The following DCC variants were observed in gnomAD, a reference collection of about 807,000 sequenced individuals.
DCC encodes netrin receptor DCC.
Under a neutral mutation model 172.5 loss-of-function variants are expected in DCC, and 58 were observed. The observed-to-expected ratio is 0.34, with a 90% CI of 0.27 to 0.42. DCC has a LOEUF of 0.42. Among genes scored for constraint, DCC ranks in the 10% least tolerant of loss-of-function variants. The probability of loss-of-function intolerance (pLI) is 1.00; values close to 1 mark genes in which losing one functional copy is unlikely to be tolerated. For synonymous variants in DCC, 709 were observed against 644.5 expected, an observed-to-expected ratio of 1.10 and a Z score of -1.52; for missense variants, 1,740 against 1,791.0, an observed-to-expected ratio of 0.97 and a Z score of 0.51.
chr18:53,049,524 T>C (rs2042305896), intron 5 of DCC, among the ~76,000 whole-genome samples: 1 of 152,020 alleles, frequency 6.6e-6, no homozygotes, highest in African/African-American at 2.4e-5. Flanking sequence ...GGGCTCTCTA[T>C]TCTATTTTAT....
At chr18:52,869,459 GC>G (rs2039282588) in intron 2 of DCC, among the ~76,000 whole-genome samples, 1 of 152,182 alleles carries the variant, frequency 6.6e-6, no homozygotes, top group Non-Finnish European at 1.5e-5. Flanking sequence ...CCATAGGTGG[GC>G]CTGGAAAAGG....
intron 8 of DCC, among the ~76,000 whole-genome samples, chr18:53,168,241 T>G (rs1040679626): frequency 6.6e-6 from 1 of 152,020 alleles, no homozygotes; most frequent in African/African-American, 2.4e-5. Context: ...TATAAATCAT[T>G]CTACTATAAA....
At chr18:52,524,409 A>T (rs1305822098) in intron 1 of DCC, among the ~76,000 whole-genome samples, 1 of 152,216 alleles carries the variant, frequency 6.6e-6, no homozygotes, top group Non-Finnish European at 1.5e-5. Context: ...TAAAAGTATA[A>T]CTGCATTTCC....
At chr18:53,065,254 A>G (rs534044836) in intron 6 of DCC, among the ~76,000 whole-genome samples, 149 of 152,328 alleles carry the variant, frequency 9.8e-4, no homozygotes, top group Non-Finnish European at 1.6e-3. Context: ...TTATCTCTTA[A>G]TGACTTCAGG....
intron 21 of DCC, among the ~76,000 whole-genome samples, chr18:53,433,593 C>T (rs541525682): frequency 6.6e-6 from 1 of 152,286 alleles, no homozygotes; most frequent in African/African-American, 2.4e-5. Flanking sequence ...TCACATCAGC[C>T]AACGTTGATC....
intron 27 of DCC, among the ~76,000 whole-genome samples, chr18:53,517,710 G>T (rs929981663): frequency 1.3e-5 from 2 of 151,936 alleles, no homozygotes; most frequent in Non-Finnish European, 2.9e-5. Flanking sequence ...GGTCAAATAG[G>T]CTGTTTCCCT....
intron 5 of DCC, among the ~76,000 whole-genome samples, chr18:52,986,240 A>G (rs999378017): frequency 6.6e-6 from 1 of 152,186 alleles, no homozygotes; most frequent in South Asian, 2.1e-4. Flanking sequence ...CTTAAGTCTC[A>G]TTCCTACCTG....
chr18:52,365,209 C>A (rs1206512221), intron 1 of DCC, among the ~76,000 whole-genome samples: 1 of 152,146 alleles, frequency 6.6e-6, no homozygotes, highest in Non-Finnish European at 1.5e-5. Context: ...AAGAAGAGTG[C>A]TTTGCAAATG....
chr18:53,321,836 G>C (rs907414251), intron 13 of DCC, among the ~76,000 whole-genome samples: 1 of 151,954 alleles, frequency 6.6e-6, no homozygotes, highest in Middle Eastern at 3.2e-3. Flanking sequence ...TTATAAACTG[G>C]AAAAAAACTC....
intron 3 of DCC, 152 bp downstream of exon 3, chr18:52,906,480 T>A: frequency 2.3e-6 from 2 of 875,486 alleles, no homozygotes; most frequent in Non-Finnish European, 3.5e-6. Flanking sequence ...GCCGAAGCAT[T>A]CAATCAGGTT....
At chr18:53,494,077 G>A (rs1363062069) in intron 26 of DCC, among the ~76,000 whole-genome samples, 1 of 152,058 alleles carries the variant, frequency 6.6e-6, no homozygotes, top group Non-Finnish European at 1.5e-5. Context: ...CCTTAATTTT[G>A]TTATTTACCC....
At chr18:52,464,795 C>T (rs1263914138) in intron 1 of DCC, among the ~76,000 whole-genome samples, 1 of 151,810 alleles carries the variant, frequency 6.6e-6, no homozygotes, top group African/African-American at 2.4e-5. Context: ...ATTTATTATA[C>T]TTACATTTGC....
Position 52,800,630 on chromosome 18 carries a change from CA to C in DCC, c.412+48259del, listed in dbSNP as rs1568112518. Among the ~76,000 whole-genome samples, 4 of 151,726 alleles carry C rather than the reference CA, an allele frequency of 2.6e-5. No individual in the cohort carries two copies. In the South Asian group the frequency reaches 8.6e-4, roughly 33 times the overall value. ...CTTTGTGTGATAGCATTTTCAACAC[CA>C]AACAGATGTTGCATACTTATGAATC... On this transcript the variant is annotated intron_variant, in intron 2 of 28. Transcript: ENST00000442544.
chr18:53,355,154 A>T (rs2057863475), intron 15 of DCC, among the ~76,000 whole-genome samples: 1 of 152,128 alleles, frequency 6.6e-6, no homozygotes, highest in African/African-American at 2.4e-5. Flanking sequence ...TGGTACCAGT[A>T]CCAGGCTGTT....
intron 1 of DCC, among the ~76,000 whole-genome samples, chr18:52,437,319 G>A (rs1276914111): frequency 6.6e-6 from 1 of 152,148 alleles, no homozygotes; most frequent in East Asian, 1.9e-4. Context: ...TCATGTGGCA[G>A]AAAGAGGACA....
At chr18:52,423,297 G>C (rs1249228046) in intron 1 of DCC, among the ~76,000 whole-genome samples, 1 of 152,144 alleles carries the variant, frequency 6.6e-6, no homozygotes, top group Non-Finnish European at 1.5e-5. Flanking sequence ...GCCCTGCAGA[G>C]GTAGAGATAT....
chr18:52,959,893 G>A (rs1372952432), intron 5 of DCC, among the ~76,000 whole-genome samples: 1 of 152,102 alleles, frequency 6.6e-6, no homozygotes, highest in Admixed American at 6.6e-5. Context: ...TTAGCTGGGG[G>A]AATTAGGCAG....
At chr18:53,480,272 T>G (rs559193117) in intron 25 of DCC, among the ~76,000 whole-genome samples, 4 of 152,300 alleles carry the variant, frequency 2.6e-5, no homozygotes, top group African/African-American at 9.6e-5. Context: ...AACACATAGC[T>G]CCTGCTGTGG....
chr18:53,407,164 G>A (rs892548992), intron 19 of DCC, among the ~76,000 whole-genome samples: 10 of 152,102 alleles, frequency 6.6e-5, no homozygotes, highest in African/African-American at 2.2e-4. Flanking sequence ...TCGGGAATCA[G>A]TGCAGTTGAC....
Sources: gnomAD v4.1 joint callset for allele counts (sites outside exome capture counted in the v4.1 genomes callset) on GRCh38, gnomAD v4.1.1 for gene constraint, MANE v1.5 for transcripts, NCBI Gene and HGNC (gene_info 2026-07-23, HGNC 2026-07-21) for gene names.